The following ANAPC5 variants were observed in gnomAD, a reference collection of about 807,000 sequenced individuals.
The protein encoded by ANAPC5 is anaphase promoting complex subunit 5, also known as anaphase-promoting complex subunit 5.
ANAPC5 carries 60 observed loss-of-function variants against 91.3 expected under a neutral mutation model. The observed-to-expected ratio is 0.66, with a 90% CI of 0.53 to 0.81. ANAPC5 has a LOEUF of 0.81. Ranked by LOEUF, ANAPC5 falls within the 40% of genes least tolerant of loss-of-function variation. The pLI is 0.00. For synonymous variants in ANAPC5, 340 were observed against 364.1 expected (o/e 0.93, Z 0.75); for missense variants, 690 against 931.5 (o/e 0.74, Z 3.37).
At chr12:121,337,429 G>T in intron 5 of ANAPC5, 37 bp from the exon 6 acceptor site, 1 of 1,450,596 alleles carries the variant, frequency 6.9e-7, no homozygotes, top group Non-Finnish European at 9.7e-7. Flanking sequence ...AGAAAGAAAG[G>T]GTCAATAAAC....
At chr12:121,329,748 T>C (rs1902964483) in intron 9 of ANAPC5, among the ~76,000 whole-genome samples, 1 of 152,016 alleles carries the variant, frequency 6.6e-6, no homozygotes, top group East Asian at 1.9e-4. Context: ...CCTAAGTAGC[T>C]GGGATCACAG....
chr12:121,348,265 C>G (rs1301299571), intron 1 of ANAPC5, among the ~76,000 whole-genome samples: 2 of 152,192 alleles, frequency 1.3e-5, no homozygotes, highest in Admixed American at 1.3e-4. Flanking sequence ...GCTTTGTAAA[C>G]TGGAAAACAC....
intron 5 of ANAPC5, among the ~76,000 whole-genome samples, chr12:121,339,061 T>C (rs1025692069): frequency 8.1e-5 from 12 of 148,316 alleles, no homozygotes; most frequent in African/African-American, 2.5e-4. Context: ...TTTCTTTTTT[T>C]TTTTTTTTTT....
At chr12:121,320,213 A>C (rs1358243558) in intron 12 of ANAPC5, among the ~76,000 whole-genome samples, 172 bp downstream of exon 12, 1 of 152,208 alleles carries the variant, frequency 6.6e-6, no homozygotes, top group East Asian at 1.9e-4. Flanking sequence ...ATAGAGTATG[A>C]GCCTGTGTTT....
At chr12:121,333,761 A>T (rs962312254) in intron 7 of ANAPC5, 7 of 152,208 alleles carry the variant, frequency 4.6e-5, no homozygotes, top group Admixed American at 4.6e-4. Context: ...CCAGCTCTCA[A>T]TCTTCTCCCG....
chr12:121,330,417 A>G (rs2136786653), intron 9 of ANAPC5, among the ~76,000 whole-genome samples, 166 bp downstream of exon 9: 1 of 152,370 alleles, frequency 6.6e-6, no homozygotes, highest in African/African-American at 2.4e-5. Context: ...ACCACACAGA[A>G]TTTAGTGGTC....
At position 121,318,506 on chromosome 12, in the gene ANAPC5, C is replaced by A; in HGVS notation, c.1740G>T (p.Val580=). ...ATGTACAAGAGACCCCTTACCTGAT[C>A]ACCATTTCTGTGTTCTTCAGTTTCT... The part of the protein sequence containing the change: ...HCQKLKNTEM[V]ISVLLSVAEL... The change falls in exon 14 of 17, where the codon GTG becomes GTT. Residue 580 remains valine, a synonymous_variant. Transcript: ENST00000261819. The A allele has an allele frequency of 6.2e-7, 1 of 1,614,106 alleles. No individual in the cohort carries two copies. Among genetic ancestry groups the A allele is most frequent in the Non-Finnish European group, 8.5e-7 (1 of 1,179,984 alleles).
chr12:121,342,461 T>A lies in ANAPC5; in HGVS notation c.591-392A>T, dbSNP rs2136810351. ...GGCCAAGGACTCAAAGACCTCAATG[T>A]GAGGCCAAAAACCGTAAAACTCTTA... On this transcript the variant is annotated intron_variant, in intron 4 of 16. Transcript: ENST00000261819. This position sits in a 1 kb window ranked among gnomAD's most constrained non-coding sequence, Gnocchi z 4.1. Among the ~76,000 whole-genome samples the A allele has an allele frequency of 6.6e-6, 1 of 152,270 alleles. No homozygotes were observed. Among genetic ancestry groups the A allele is most frequent in the South Asian group, 2.1e-4 (1 of 4,830 alleles).
rs372504555 is a variant in ANAPC5, at chr12:121,330,703, A to G, written c.1033-31T>C. On this transcript the variant is annotated intron_variant, in intron 8 of 16. Transcript: ENST00000261819. ...AAGAGAAATCATCAAAATATATCAT[A>G]ACAGTGGCAATGGCTGATGTTCTAG... 12 of 1,573,350 alleles carry G rather than the reference A, an allele frequency of 7.6e-6. No homozygotes were observed. In the African/African-American group the frequency reaches 1.5e-4, roughly 19 times the overall value.
intron 11 of ANAPC5, among the ~76,000 whole-genome samples, chr12:121,324,451 T>G (rs918806395): frequency 6.6e-6 from 1 of 151,832 alleles, no homozygotes; most frequent in Non-Finnish European, 1.5e-5. Flanking sequence ...GGTCAGCAGG[T>G]TTTTCACATA....
chr12:121,316,064 C>T (rs991708300), intron 15 of ANAPC5, among the ~76,000 whole-genome samples: 1 of 151,666 alleles, frequency 6.6e-6, no homozygotes, highest in East Asian at 1.9e-4. Context: ...CTAGTATCCA[C>T]AATATATAAA....
intron 11 of ANAPC5, among the ~76,000 whole-genome samples, chr12:121,322,269 T>C (rs1425822349): frequency 7.0e-6 from 1 of 143,732 alleles, no homozygotes; most frequent in Non-Finnish European, 1.5e-5. Context: ...AGCAATTCTC[T>C]TGCCTCAGCC....
chr12:121,335,777 A>C, intron 6 of ANAPC5, 54 bp from the exon 7 acceptor site: 3 of 1,436,618 alleles, frequency 2.1e-6, no homozygotes, highest in Non-Finnish European at 2.9e-6. Context: ...CTCTGGTGTA[A>C]GACAACTGCA....
At chr12:121,351,045 T>C (rs1336587408) in intron 1 of ANAPC5, 6 of 446,248 alleles carry the variant, frequency 1.3e-5, no homozygotes, top group Non-Finnish European at 2.7e-5. Flanking sequence ...AGGAACTTAA[T>C]TATCTGAGCT....
intron 4 of ANAPC5, among the ~76,000 whole-genome samples, chr12:121,343,040 T>C (rs751428382): frequency 1.2e-4 from 19 of 152,214 alleles, no homozygotes; most frequent in South Asian, 2.1e-4. Context: ...ATTTTCACGA[T>C]GAAATTCAGT....
intron 9 of ANAPC5, among the ~76,000 whole-genome samples, chr12:121,329,941 T>A (rs539213459): frequency 7.2e-4 from 109 of 152,242 alleles, no homozygotes; most frequent in African/African-American, 2.4e-3. Flanking sequence ...TGCCCCTCTG[T>A]GTATGTCATT....
chr12:121,328,658 G>A (rs1902911250), intron 9 of ANAPC5, 161 bp from the exon 10 acceptor site: 9 of 619,828 alleles, frequency 1.5e-5, no homozygotes, highest in East Asian at 8.7e-5. Flanking sequence ...TGAGCCATAC[G>A]AGATGTGTTC....
chr12:121,308,589 A>G lies in ANAPC5; in HGVS notation c.2159T>C (p.Leu720Pro), dbSNP rs762129065. The change falls in exon 17 of 17, where the codon CTC becomes CCC. Residue 720 changes from leucine to proline, a missense_variant. Leu to Pro is a moderately conservative substitution (Grantham distance 98). Around this residue, in one of 5 missense-constraint regions of ANAPC5, gnomAD observed 317 missense variants for 438.7 expected, o/e 0.72. Coordinates refer to ENST00000261819, the MANE Select transcript of ANAPC5 (RefSeq NM_016237.5). ...CTGGGTCTTCCCCAGGGTATGGTAG[A>G]GTCTGGCCTGGAAGTAAACGACGTC... Reference protein sequence around the residue: ...IRDVVYFQARLYHTLGKTQER... With the variant: ...IRDVVYFQARPYHTLGKTQER... The G allele has an allele frequency of 1.9e-6, 3 of 1,614,000 alleles. No homozygotes were observed. The highest frequency in any genetic ancestry group is 2.5e-6 in the Non-Finnish European group (3 of 1,180,018).
chr12:121,332,661 A>T (rs1422780480), intron 7 of ANAPC5: 1 of 152,206 alleles, frequency 6.6e-6, no homozygotes, highest in Non-Finnish European at 1.5e-5. Flanking sequence ...AACAACTACA[A>T]GGATTTTCAA....
Sources: gnomAD v4.1 joint callset for allele counts (sites outside exome capture counted in the v4.1 genomes callset) on GRCh38, gnomAD v4.1.1 for gene constraint, gnomAD v4.1.1 regional missense constraint, Gnocchi (gnomAD v3.1) non-coding constraint, MANE v1.5 for transcripts, NCBI Gene and HGNC (gene_info 2026-07-23, HGNC 2026-07-21) for gene names.